ABLIM1: variants seen among roughly 807,000 people sequenced by gnomAD.
ABLIM1 encodes actin binding LIM protein 1, also known as actin-binding LIM protein 1.
A neutral mutation model predicts 107.0 loss-of-function variants in ABLIM1; 40 were observed. That is an observed-to-expected ratio of 0.37 (90% CI 0.29 to 0.49). ABLIM1 has a LOEUF of 0.49. Ranked by LOEUF, ABLIM1 falls within the 20% of genes least tolerant of loss-of-function variation. The pLI, the probability that ABLIM1 is intolerant of heterozygous loss-of-function variation, is 0.97. For missense variants in ABLIM1, 857 were observed against 1,008.5 expected (o/e 0.85, Z 2.04); for synonymous variants, 357 against 357.3 (o/e 1.00, Z 0.01).
chr10:114,673,265 A>C (rs991043899), intron 1 of ABLIM1, among the ~76,000 whole-genome samples: 1 of 151,926 alleles, frequency 6.6e-6, no homozygotes, highest in African/African-American at 2.4e-5. Context: ...CTAAAAAAAA[A>C]AAAAACAAAA....
rs1317293844 is a variant in ABLIM1, at chr10:114,434,412, T to C, written c.*1848A>G. 2 of 152,100 alleles carry C rather than the reference T, an allele frequency of 1.3e-5. No homozygotes were observed. The highest frequency in any genetic ancestry group is 4.8e-5 in the African/African-American group (2 of 41,384). 9.4% of individuals were successfully genotyped at this position (152,100 alleles called of 1,614,324 possible). On this transcript the variant is annotated 3_prime_UTR_variant, in exon 23 of 23. Transcript: ENST00000533213. ...TAGGTAAGAGCACAGGAGGATGCTA[T>C]AGAACAGTGACTGTTCATTCCATCC...
At chr10:114,667,294 G>C (rs1004280798) in intron 1 of ABLIM1, among the ~76,000 whole-genome samples, 1 of 152,114 alleles carries the variant, frequency 6.6e-6, no homozygotes, top group African/African-American at 2.4e-5. Flanking sequence ...GTGAACCACT[G>C]CAAAAGTGAC....
chr10:114,637,865 T>C (rs2078558244), intron 1 of ABLIM1, among the ~76,000 whole-genome samples: 1 of 152,240 alleles, frequency 6.6e-6, no homozygotes, highest in African/African-American at 2.4e-5. Flanking sequence ...AGGCCATTTT[T>C]AAAAACAGTT....
chr10:114,693,150 G>A (rs2081119011), intron 1 of ABLIM1, among the ~76,000 whole-genome samples: 1 of 152,168 alleles, frequency 6.6e-6, no homozygotes, highest in South Asian at 2.1e-4. Context: ...AGAAGAAGGA[G>A]GCTGTGTTGG....
intron 6 of ABLIM1, among the ~76,000 whole-genome samples, chr10:114,534,313 G>C: frequency 6.6e-6 from 1 of 152,064 alleles, no homozygotes. Context: ...GACTACTCTG[G>C]GGACATCATT....
intron 2 of ABLIM1, among the ~76,000 whole-genome samples, chr10:114,587,608 T>G (rs1004621331): frequency 1.3e-5 from 2 of 152,210 alleles, no homozygotes; most frequent in Non-Finnish European, 2.9e-5. Context: ...TTCCATTTAT[T>G]TCTAGTAGAA....
intron 1 of ABLIM1, among the ~76,000 whole-genome samples, chr10:114,611,882 C>G (rs1037164097): frequency 6.6e-6 from 1 of 152,154 alleles, no homozygotes; most frequent in Non-Finnish European, 1.5e-5. Flanking sequence ...CCTCTCCTAG[C>G]CTTTCTCTGA....
chr10:114,728,592 C>CAA (rs11405856), intron 1 of ABLIM1, among the ~76,000 whole-genome samples: 9,310 of 125,226 alleles, frequency 0.074, 501 homozygotes, highest in Middle Eastern at 0.15. Context: ...AATGGAGAGC[C>CAA]AAAAAAAAAA....
chr10:114,771,628 A>C (rs1035028020), upstream of ABLIM1, among the ~76,000 whole-genome samples: 2 of 152,242 alleles, frequency 1.3e-5, no homozygotes, highest in Admixed American at 1.3e-4. Context: ...CAAGTTTGTT[A>C]ATGGCTTGAA....
chr10:114,447,112 T>C (rs1245399467), intron 15 of ABLIM1, among the ~76,000 whole-genome samples: 3 of 152,198 alleles, frequency 2.0e-5, no homozygotes, highest in African/African-American at 4.8e-5. Flanking sequence ...TGTGATAAGA[T>C]CGTGTCTTTG....
At chr10:114,457,272 A>AT (rs1438642001) in intron 12 of ABLIM1, among the ~76,000 whole-genome samples, 3 of 151,882 alleles carry the variant, frequency 2.0e-5, no homozygotes, top group African/African-American at 7.2e-5. Flanking sequence ...ATTTATTTTT[A>AT]TTTTTATTTT....
chr10:114,491,768 T>C, intron 7 of ABLIM1, 23 bp downstream of exon 7: 2 of 1,585,820 alleles, frequency 1.3e-6, no homozygotes. Flanking sequence ...GGAAAACTTC[T>C]AGTGTTCTTG....
chr10:114,615,998 A>T (rs2077107922), intron 1 of ABLIM1, among the ~76,000 whole-genome samples: 1 of 152,172 alleles, frequency 6.6e-6, no homozygotes, highest in Non-Finnish European at 1.5e-5. Flanking sequence ...AGAACAGGAC[A>T]TGATGAGTAG....
chr10:114,670,310 T>C (rs1296338510), intron 1 of ABLIM1, among the ~76,000 whole-genome samples: 1 of 152,196 alleles, frequency 6.6e-6, no homozygotes, highest in Non-Finnish European at 1.5e-5. Flanking sequence ...ATTTCAAACT[T>C]GATTTACAAT....
chr10:114,641,537 G>A (rs898914554), intron 1 of ABLIM1, among the ~76,000 whole-genome samples: 16 of 152,158 alleles, frequency 1.1e-4, no homozygotes, highest in African/African-American at 2.4e-4. Flanking sequence ...ATTAGAAAGC[G>A]GTAAGTACTA....
intron 1 of ABLIM1, among the ~76,000 whole-genome samples, chr10:114,715,044 C>G (rs1351452879): frequency 6.6e-6 from 1 of 151,980 alleles, no homozygotes; most frequent in Non-Finnish European, 1.5e-5. Flanking sequence ...AAAGTAAAAC[C>G]CCCAAATCAA....
chr10:114,764,207 T>G (rs575748685), intron 1 of ABLIM1, among the ~76,000 whole-genome samples: 1 of 152,358 alleles, frequency 6.6e-6, no homozygotes, highest in African/African-American at 2.4e-5. Flanking sequence ...AAGTCTTTGA[T>G]GAGAGTATCC....
At chr10:114,560,838 A>C (rs1471894252) in intron 4 of ABLIM1, among the ~76,000 whole-genome samples, 3 of 152,234 alleles carry the variant, frequency 2.0e-5, no homozygotes. Context: ...AAGTCCATAG[A>C]GACAGAAAGC....
At chr10:114,496,435 T>G (rs1481668754) in intron 6 of ABLIM1, among the ~76,000 whole-genome samples, 1 of 146,106 alleles carries the variant, frequency 6.8e-6, no homozygotes, top group African/African-American at 2.6e-5. Context: ...CACTTACAAG[T>G]GGGAGCTGAA....
Sources: gnomAD v4.1 joint callset for allele counts (sites outside exome capture counted in the v4.1 genomes callset) on GRCh38, gnomAD v4.1.1 for gene constraint, MANE v1.5 for transcripts, NCBI Gene and HGNC (gene_info 2026-07-23, HGNC 2026-07-21) for gene names.